The following NOC3L variants were observed in gnomAD, a reference collection of about 807,000 sequenced individuals.
The protein encoded by NOC3L is nucleolar complex protein 3 homolog.
Under a neutral mutation model 102.5 loss-of-function variants are expected in NOC3L, and 85 were observed. That is an observed-to-expected ratio of 0.83 (90% confidence interval 0.70 to 0.99). The LOEUF is 0.99. Ranked by LOEUF, NOC3L falls within the 50% of genes least tolerant of loss-of-function variation. The pLI is 0.00. For synonymous variants in NOC3L, 303 were observed against 309.4 expected (o/e 0.98, Z 0.22); for missense variants, 878 against 914.9 (o/e 0.96, Z 0.52).
chr10:94,361,953 A>T (rs776030509), intron 1 of NOC3L, 81 bp from the exon 2 acceptor site: 5 of 1,042,082 alleles, frequency 4.8e-6, no homozygotes, highest in South Asian at 1.3e-5. Flanking sequence ...TACAAATTTC[A>T]TTAGACCAAT....
intron 8 of NOC3L, among the ~76,000 whole-genome samples, chr10:94,350,534 C>G (rs1480620015): frequency 1.3e-5 from 2 of 151,392 alleles, no homozygotes; most frequent in East Asian, 3.9e-4. Context: ...CATGGTGAAA[C>G]CCCATCTCTA....
At position 94,352,383 on chromosome 10, in the gene NOC3L, C is replaced by T; in HGVS notation, c.879G>A (p.Lys293=). The part of the protein sequence containing the change: ...KSTKTRKETQ[K]LREFEEGLVS... ...CCAGGCCTTCTTCAAATTCTCTTAA[C>T]TTCTGGGTTTCTTTTCGGGTCTGAA... The change falls in exon 8 of 21, where the codon AAG becomes AAA. Residue 293 remains lysine (K), a synonymous_variant. Transcript: ENST00000371361. 1 of 1,613,430 alleles carries T rather than the reference C, an allele frequency of 6.2e-7. No homozygotes were observed. Among genetic ancestry groups the T allele is most frequent in the Non-Finnish European group, 8.5e-7 (1 of 1,179,710 alleles).
chr10:94,334,219 CGA>C lies in NOC3L; in HGVS notation c.2359_2360del (p.Ser787AlafsTer18), dbSNP rs867516531. 39 of 1,602,818 alleles carry C rather than the reference CGA, an allele frequency of 2.4e-5. No homozygotes were observed. Among genetic ancestry groups the C allele is most frequent in the Non-Finnish European group, 3.3e-5 (39 of 1,170,396 alleles). On this transcript the variant is annotated frameshift_variant, in exon 21 of 21. Coordinates refer to ENST00000371361, the MANE Select transcript of NOC3L (RefSeq NM_022451.11). LOFTEE classifies it high-confidence loss of function. The stretch of plus-strand genomic sequence containing the variant: ...TCAAATATTTCGTGAAATCCAGAGG[CGA>C]TTCAGTAGCAACTTCACTGGAGTAT... The part of the protein sequence containing the change: ...KRYSSEVATE[S>X]PLDFTKYLKT...
chr10:94,345,883 G>A (rs1209967653), intron 11 of NOC3L, among the ~76,000 whole-genome samples: 1 of 152,046 alleles, frequency 6.6e-6, no homozygotes, highest in African/African-American at 2.4e-5. Context: ...GGTTTATAAA[G>A]CCTGCCAAGT....
intron 6 of NOC3L, 81 bp from the exon 7 acceptor site, chr10:94,353,138 A>C: frequency 8.6e-7 from 1 of 1,160,746 alleles, no homozygotes; most frequent in Non-Finnish European, 1.2e-6. Context: ...CACATCCGGC[A>C]AAACAAGCGG....
intron 19 of NOC3L, among the ~76,000 whole-genome samples, chr10:94,335,999 C>T (rs1037696033): frequency 6.6e-6 from 1 of 152,262 alleles, no homozygotes. Flanking sequence ...ATGGGATTAA[C>T]CCATTTATGC....
chr10:94,360,320 A>AAT, intron 2 of NOC3L, among the ~76,000 whole-genome samples: 1 of 152,100 alleles, frequency 6.6e-6, no homozygotes, highest in African/African-American at 2.4e-5. Context: ...ATCTCAAAAA[A>AAT]AATAATAATA....
chr10:94,343,034 A>C (rs556377434), intron 13 of NOC3L, among the ~76,000 whole-genome samples: 2 of 151,728 alleles, frequency 1.3e-5, no homozygotes, highest in Non-Finnish European at 2.9e-5. Flanking sequence ...TAGTCAGCTC[A>C]GATTACGTCA....
chr10:94,345,024 A>C, intron 11 of NOC3L, 91 bp from the exon 12 acceptor site: 1 of 779,802 alleles, frequency 1.3e-6, no homozygotes, highest in Non-Finnish European at 2.1e-6. Flanking sequence ...TAAAACACAT[A>C]CAGTAATACC....
chr10:94,319,654 T>C, the NOC3L span, among the ~76,000 whole-genome samples: 3 of 152,194 alleles, frequency 2.0e-5, no homozygotes, highest in East Asian at 3.9e-4. Context: ...CTGCCCTAAT[T>C]TGTAAAATCT....
At position 94,340,266 on chromosome 10, in the gene NOC3L, A is replaced by C; in HGVS notation, c.1780+10T>G. The C allele has an allele frequency of 6.3e-7, 1 of 1,592,804 alleles. No homozygotes were observed. The highest frequency in any genetic ancestry group is 8.6e-7 in the Non-Finnish European group (1 of 1,164,558). On this transcript the variant is annotated intron_variant, in intron 16 of 20. Transcript: ENST00000371361. ...TACATATAAAAGAAACATTATCTAA[A>C]CATACATACCTGCATGTAATTTGAA...
At chr10:94,324,677 G>A in the NOC3L span, 4 of 1,054,932 alleles carry the variant, frequency 3.8e-6, no homozygotes, top group South Asian at 2.6e-5. Flanking sequence ...CTGAGTCAAG[G>A]AATGGAGTTA....
chr10:94,327,907 G>C, the NOC3L span: 3 of 497,090 alleles, frequency 6.0e-6, no homozygotes, highest in African/African-American at 3.9e-5. Flanking sequence ...TTGGTATACC[G>C]CAAGTGTTTC....
intron 7 of NOC3L, 27 bp downstream of exon 7, chr10:94,352,869 T>C: frequency 6.3e-7 from 1 of 1,584,872 alleles, no homozygotes; most frequent in Non-Finnish European, 8.6e-7. Flanking sequence ...TTTTAGATAG[T>C]AATTATATCT....
downstream of NOC3L, chr10:94,328,829 G>C (rs1052566789): frequency 2.0e-5 from 3 of 152,032 alleles, no homozygotes; most frequent in Non-Finnish European, 4.4e-5. Context: ...TTTAAAAAAG[G>C]TTATTGCTTA....
chr10:94,352,321 T>C lies in NOC3L; in HGVS notation c.941A>G (p.Gln314Arg), dbSNP rs1249662210. 1.2e-6 allele frequency: 2 copies of C among 1,603,568 alleles called. No individual in the cohort carries two copies. Among genetic ancestry groups the C allele is most frequent in the Non-Finnish European group, 1.7e-6 (2 of 1,171,204 alleles). The change falls in exon 8 of 21, where the codon CAA becomes CGA. Residue 314 changes from glutamine (Q) to arginine (R), a missense_variant. Physicochemically the swap from Gln to Arg is conservative, Grantham distance 43. Transcript: ENST00000371361. ...QYKFYLENLEQMVKDWKQRKL... is the reference protein window; with the variant it reads ...QYKFYLENLERMVKDWKQRKL... ...TATGTTTAATATACCTTTAACCATT[T>C]GTTCCAGATTTTCCAAATAAAACTT... is the stretch of plus-strand genomic sequence containing the variant.
At chr10:94,351,460 C>G (rs1399862008) in intron 8 of NOC3L, among the ~76,000 whole-genome samples, 1 of 152,188 alleles carries the variant, frequency 6.6e-6, no homozygotes, top group Non-Finnish European at 1.5e-5. Context: ...AGTTTATCAT[C>G]CCAAATAATT....
At chr10:94,361,247 GAAA>G (rs1455479852) in intron 2 of NOC3L, 1 of 159,134 alleles carries the variant, frequency 6.3e-6, no homozygotes, top group Non-Finnish European at 1.4e-5. Flanking sequence ...CACATGAAAA[GAAA>G]GTCAGAAGTT....
chr10:94,338,821 T>G (rs2054250344), intron 17 of NOC3L, 85 bp from the exon 18 acceptor site: 3 of 1,194,076 alleles, frequency 2.5e-6, no homozygotes, highest in Non-Finnish European at 3.5e-6. Flanking sequence ...GTATTTGCAT[T>G]TAAATTTATG....
Sources: gnomAD v4.1 joint callset for allele counts (sites outside exome capture counted in the v4.1 genomes callset) on GRCh38, gnomAD v4.1.1 for gene constraint, MANE v1.5 for transcripts, NCBI Gene and HGNC (gene_info 2026-07-23, HGNC 2026-07-21) for gene names.